Variants in BMPR1B observed in about 807,000 individuals in gnomAD.
The protein encoded by BMPR1B is bone morphogenetic protein receptor type 1B, also known as bone morphogenetic protein receptor type-1B.
BMPR1B carries 12 observed loss-of-function variants against 59.1 expected under a neutral mutation model. The ratio of observed to expected loss-of-function variants is 0.20; its 90% CI spans 0.13 to 0.33. BMPR1B has a LOEUF of 0.33. Among genes scored for constraint, BMPR1B ranks in the 10% least tolerant of loss-of-function variants. The pLI, the probability that BMPR1B is intolerant of heterozygous loss-of-function variation, is 1.00. For missense variants in BMPR1B, 550 were observed against 610.9 expected (o/e 0.90, Z 1.05); for synonymous variants, 237 against 207.3 (o/e 1.14, Z -1.23).
intron 2 of BMPR1B, among the ~76,000 whole-genome samples, chr4:94,947,502 T>A (rs981721225): frequency 6.6e-6 from 1 of 152,226 alleles, no homozygotes; most frequent in African/African-American, 2.4e-5. Context: ...TGTTGTTCAT[T>A]TATGTTAATT....
intron 3 of BMPR1B, among the ~76,000 whole-genome samples, chr4:95,017,804 A>G (rs1723687275): frequency 6.6e-6 from 1 of 152,186 alleles, no homozygotes; most frequent in Non-Finnish European, 1.5e-5. Flanking sequence ...TAATGCAAAG[A>G]GTCTACATTT....
At chr4:94,862,210 G>A in intron 1 of BMPR1B, among the ~76,000 whole-genome samples, 1 of 151,750 alleles carries the variant, frequency 6.6e-6, no homozygotes, top group African/African-American at 2.4e-5. Flanking sequence ...GAGTACAGTG[G>A]CACGGTCTTG....
chr4:94,815,064 C>T (rs552242343), intron 1 of BMPR1B, among the ~76,000 whole-genome samples: 30 of 152,100 alleles, frequency 2.0e-4, no homozygotes, highest in Non-Finnish European at 1.6e-4. Flanking sequence ...CCACCACGCC[C>T]GGCTAATTTT....
intron 1 of BMPR1B, among the ~76,000 whole-genome samples, chr4:94,800,961 A>G (rs1028812808): frequency 6.6e-6 from 1 of 152,194 alleles, no homozygotes; most frequent in African/African-American, 2.4e-5. Flanking sequence ...AGAGATGGGT[A>G]TAGGTAGATT....
intron 5 of BMPR1B, 131 bp from the exon 6 acceptor site, chr4:95,115,554 T>G: frequency 1.3e-6 from 1 of 779,814 alleles, no homozygotes; most frequent in Non-Finnish European, 2.2e-6. Flanking sequence ...GAGAACATAT[T>G]TAAGGTGTTT....
At chr4:94,996,799 A>G (rs1488822228) in intron 3 of BMPR1B, among the ~76,000 whole-genome samples, 1 of 152,242 alleles carries the variant, frequency 6.6e-6, no homozygotes, top group African/African-American at 2.4e-5. Flanking sequence ...TCCCTACTCA[A>G]TCTCAAACTA....
chr4:94,871,770 T>C (rs1318643829), intron 1 of BMPR1B, among the ~76,000 whole-genome samples: 1 of 152,210 alleles, frequency 6.6e-6, no homozygotes, highest in African/African-American at 2.4e-5. Flanking sequence ...TTCAACAACT[T>C]AGTTTACTAC....
chr4:95,100,607 G>T (rs1424953217), intron 3 of BMPR1B, among the ~76,000 whole-genome samples: 4 of 152,028 alleles, frequency 2.6e-5, no homozygotes, highest in Non-Finnish European at 5.9e-5. Flanking sequence ...TATGAAAATT[G>T]TGCATGATTA....
At chr4:94,853,866 G>T (rs1450563051) in intron 1 of BMPR1B, among the ~76,000 whole-genome samples, 1 of 152,090 alleles carries the variant, frequency 6.6e-6, no homozygotes, top group Non-Finnish European at 1.5e-5. Flanking sequence ...CCAATTTTCA[G>T]TCCAGTTTGA....
chr4:94,785,265 G>T (rs778581083), intron 1 of BMPR1B, among the ~76,000 whole-genome samples: 1 of 151,942 alleles, frequency 6.6e-6, no homozygotes, highest in Non-Finnish European at 1.5e-5. Context: ...ATGTAAACTT[G>T]GCCTCAAACT....
intron 2 of BMPR1B, among the ~76,000 whole-genome samples, chr4:94,927,466 A>G (rs1728934394): frequency 6.6e-6 from 1 of 152,164 alleles, no homozygotes; most frequent in African/African-American, 2.4e-5. Flanking sequence ...AATCATCATG[A>G]AGAAATTGAT....
chr4:94,812,196 A>G (rs1723843055), intron 1 of BMPR1B, among the ~76,000 whole-genome samples: 2 of 113,180 alleles, frequency 1.8e-5, no homozygotes, highest in Non-Finnish European at 1.7e-5. Flanking sequence ...ATTTAAAGTC[A>G]GTTAGAGGAG....
At chr4:94,777,292 A>G (rs1489523436) in intron 1 of BMPR1B, among the ~76,000 whole-genome samples, 1 of 152,112 alleles carries the variant, frequency 6.6e-6, no homozygotes, top group Non-Finnish European at 1.5e-5. Context: ...AAAGAAAACA[A>G]AATTTGAAGG....
intron 1 of BMPR1B, among the ~76,000 whole-genome samples, chr4:94,786,332 A>G (rs529130670): frequency 4.8e-4 from 72 of 151,058 alleles, no homozygotes; most frequent in Non-Finnish European, 9.3e-4. Flanking sequence ...GGGCAGAAAT[A>G]TTAGAAATAT....
intron 2 of BMPR1B, among the ~76,000 whole-genome samples, chr4:94,893,476 G>C (rs962669557): frequency 1.3e-5 from 2 of 152,024 alleles, no homozygotes; most frequent in African/African-American, 4.8e-5. Flanking sequence ...TATGTTCTTA[G>C]AGAAAATATG....
intron 1 of BMPR1B, among the ~76,000 whole-genome samples, chr4:94,828,165 T>C (rs528121074): frequency 3.6e-4 from 55 of 152,232 alleles, no homozygotes; most frequent in Non-Finnish European, 5.9e-4. Context: ...TAGTGTTAAA[T>C]TATACCTAGT....
At position 95,115,694 on chromosome 4, in the gene BMPR1B, A is replaced by T. The variant is rs1200081382; in HGVS notation, c.256A>T (p.Ile86Phe). 1 of 1,613,454 alleles carries T rather than the reference A, an allele frequency of 6.2e-7. No homozygotes were observed. Among genetic ancestry groups the T allele is most frequent in the South Asian group, 1.1e-5 (1 of 91,078 alleles). ...TTGGGTTCGATTATAGGACACTCCC[A>T]TTCCTCATCAAAGAAGATCAATTGA... ...GSDFQCRDTP[I>F]PHQRRSIECC... The change falls in exon 6 of 13, where the codon ATT (isoleucine) becomes TTT (phenylalanine). Residue 86 changes from isoleucine (I) to phenylalanine (F), a missense_variant. Ile to Phe is a conservative substitution (Grantham distance 21, BLOSUM62 0). Coordinates refer to ENST00000515059, the MANE Select transcript of BMPR1B (RefSeq NM_001203.3).
intron 1 of BMPR1B, among the ~76,000 whole-genome samples, chr4:94,760,075 G>T (rs567063193): frequency 1.3e-5 from 2 of 152,272 alleles, no homozygotes; most frequent in African/African-American, 4.8e-5. Context: ...CATTACTCAT[G>T]TGCTAGGGGC....
chr4:94,842,324 C>T (rs531544372), intron 1 of BMPR1B, among the ~76,000 whole-genome samples: 2 of 152,162 alleles, frequency 1.3e-5, no homozygotes, highest in African/African-American at 2.4e-5. Flanking sequence ...TCTTAACGTA[C>T]TGGAGTTTTT....
Sources: allele counts gnomAD v4.1 joint callset (sites outside exome capture counted in the v4.1 genomes callset), GRCh38; gene constraint gnomAD v4.1.1; transcripts MANE v1.5; gene names NCBI Gene and HGNC (gene_info 2026-07-23, HGNC 2026-07-21).